MAMDC2: variants seen among roughly 807,000 people sequenced by gnomAD.
MAMDC2 encodes MAM domain containing 2.
MAMDC2 carries 57 observed loss-of-function variants against 89.8 expected under a neutral mutation model. The observed-to-expected ratio is 0.63, with a 90% CI of 0.51 to 0.79. The LOEUF (loss-of-function observed/expected upper bound fraction) is 0.79. MAMDC2 is among the 30% of genes least tolerant of loss of function. MAMDC2 has a pLI of 0.00. For synonymous variants in MAMDC2, 313 were observed against 293.4 expected (o/e 1.07, Z -0.68); for missense variants, 800 against 820.6 (o/e 0.97, Z 0.31).
intron 11 of MAMDC2, among the ~76,000 whole-genome samples, chr9:70,198,628 C>A (rs1450314294): frequency 6.6e-6 from 1 of 152,060 alleles, no homozygotes; most frequent in Non-Finnish European, 1.5e-5. Flanking sequence ...AGAAAAGCAA[C>A]CCTGCAACAT....
At chr9:70,110,993 G>C (rs1224905020) in intron 4 of MAMDC2, among the ~76,000 whole-genome samples, 1 of 152,238 alleles carries the variant, frequency 6.6e-6, no homozygotes, top group Non-Finnish European at 1.5e-5. Flanking sequence ...ATTCCCTTAC[G>C]TTTCACTTGT....
intron 12 of MAMDC2, among the ~76,000 whole-genome samples, chr9:70,221,723 G>A (rs1587585078): frequency 6.6e-6 from 1 of 152,024 alleles, no homozygotes; most frequent in East Asian, 1.9e-4. Flanking sequence ...CACATTTTGT[G>A]TGTGTGTGTG....
chr9:70,141,933 A>G (rs2031239262), intron 8 of MAMDC2, among the ~76,000 whole-genome samples: 1 of 152,204 alleles, frequency 6.6e-6, no homozygotes, highest in Admixed American at 6.5e-5. Flanking sequence ...GACAGGGAGA[A>G]CACCTTGTTC....
intron 2 of MAMDC2, among the ~76,000 whole-genome samples, chr9:70,045,759 A>T (rs1320641796): frequency 6.6e-6 from 1 of 152,182 alleles, no homozygotes; most frequent in African/African-American, 2.4e-5. Flanking sequence ...CGTTTTACAG[A>T]GGAAGGAATC....
intron 2 of MAMDC2, among the ~76,000 whole-genome samples, chr9:70,062,133 A>G (rs540363534): frequency 5.9e-5 from 9 of 152,184 alleles, no homozygotes; most frequent in Admixed American, 3.9e-4. Flanking sequence ...AAGATTTTGA[A>G]ATTTCTATGC....
rs1012925445 is a variant in MAMDC2 at position 70,043,996 on chromosome 9, C to G, written c.-202C>G. Reference sequence around the variant, plus strand: ...CGCCGGGGCGCTGGCGCTCTCCATTCGAGCACCTTCCAGCATACCGCTCGG... The same window carrying G: ...CGCCGGGGCGCTGGCGCTCTCCATTGGAGCACCTTCCAGCATACCGCTCGG... On this transcript the variant is annotated 5_prime_UTR_variant, in exon 1 of 14. Coordinates refer to ENST00000377182, the MANE Select transcript of MAMDC2 (RefSeq NM_153267.5). The G allele has an allele frequency of 1.6e-6, 1 of 626,470 alleles. No individual in the cohort carries two copies. The highest frequency in any genetic ancestry group is 2.8e-6 in the Non-Finnish European group (1 of 357,554). 38.8% of individuals were successfully genotyped at this position (626,470 alleles called of 1,614,324 possible).
At chr9:70,129,122 G>A (rs1353252161) in intron 6 of MAMDC2, among the ~76,000 whole-genome samples, 1 of 152,182 alleles carries the variant, frequency 6.6e-6, no homozygotes, top group Non-Finnish European at 1.5e-5. Context: ...GATTGATATG[G>A]TTTGGCTGTG....
At chr9:70,139,354 G>A (rs2031119335) in intron 7 of MAMDC2, among the ~76,000 whole-genome samples, 1 of 138,632 alleles carries the variant, frequency 7.2e-6, no homozygotes, top group Non-Finnish European at 1.5e-5. Flanking sequence ...TCCCACCTAT[G>A]AGTGAGAACA....
At chr9:70,144,263 A>C (rs1030931846) in intron 9 of MAMDC2, among the ~76,000 whole-genome samples, 3 of 152,200 alleles carry the variant, frequency 2.0e-5, no homozygotes, top group East Asian at 3.9e-4. Flanking sequence ...TTTAAGGTTA[A>C]CAACCTAAGG....
At chr9:70,217,143 A>G (rs2033462701) in intron 11 of MAMDC2, 1 of 577,936 alleles carries the variant, frequency 1.7e-6, no homozygotes, top group Non-Finnish European at 3.1e-6. Flanking sequence ...ATTTAAAAAT[A>G]TTACAGAATA....
At chr9:70,112,906 C>T in intron 4 of MAMDC2, 89 bp from the exon 5 acceptor site, 2 of 1,523,566 alleles carry the variant, frequency 1.3e-6, no homozygotes, top group Non-Finnish European at 1.8e-6. Flanking sequence ...AGAGAAACTT[C>T]TGAATATCTA....
At chr9:70,066,905 A>C (rs1279529999) in intron 2 of MAMDC2, among the ~76,000 whole-genome samples, 1 of 152,252 alleles carries the variant, frequency 6.6e-6, no homozygotes, top group East Asian at 1.9e-4. Context: ...TAATGAATTA[A>C]GTTCATCAAT....
intron 2 of MAMDC2, among the ~76,000 whole-genome samples, chr9:70,045,743 T>C (rs1826734156): frequency 6.6e-6 from 1 of 152,186 alleles, no homozygotes; most frequent in Non-Finnish European, 1.5e-5. Flanking sequence ...TAGGTGATGT[T>C]GGACCCGTTT....
At chr9:70,070,419 C>A (rs1827375811) in intron 2 of MAMDC2, among the ~76,000 whole-genome samples, 1 of 152,080 alleles carries the variant, frequency 6.6e-6, no homozygotes, top group Non-Finnish European at 1.5e-5. Flanking sequence ...TTAATCTGAG[C>A]CTATTGTTTT....
intron 2 of MAMDC2, chr9:70,093,789 G>A (rs1385895111): frequency 6.6e-6 from 1 of 152,152 alleles, no homozygotes; most frequent in African/African-American, 2.4e-5. Flanking sequence ...GACAAATGAT[G>A]TAGTGGAAAA....
In MAMDC2 at chr9:70,072,468, C is replaced by G. The variant is rs1287074936; in HGVS notation, c.148+27771C>G. On this transcript the variant is annotated intron_variant, in intron 2 of 13. Transcript: ENST00000377182. ...TGCTCTTAATTTTAGAATGGTGATA[C>G]TGTATCTAATAGAATAATAGTAGTA... is the stretch of plus-strand genomic sequence containing the variant. Among the ~76,000 whole-genome samples, 2 of 152,174 alleles carry G rather than the reference C, an allele frequency of 1.3e-5. 1 individual carries two copies. Among genetic ancestry groups the G allele is most frequent in the African/African-American group, 4.8e-5 (2 of 41,432 alleles).
chr9:70,118,172 A>G (rs999478151), intron 5 of MAMDC2, among the ~76,000 whole-genome samples: 1 of 152,000 alleles, frequency 6.6e-6, no homozygotes, highest in Admixed American at 6.6e-5. Context: ...TCCAGGCTAC[A>G]TTCCTACTTA....
intron 11 of MAMDC2, among the ~76,000 whole-genome samples, chr9:70,216,902 A>G (rs1184010423): frequency 6.6e-6 from 1 of 152,194 alleles, no homozygotes; most frequent in East Asian, 1.9e-4. Context: ...ACTTGTATAC[A>G]TGTCCAATTT....
At chr9:70,094,312 T>A (rs1827974018) in intron 2 of MAMDC2, among the ~76,000 whole-genome samples, 1 of 152,228 alleles carries the variant, frequency 6.6e-6, no homozygotes, top group South Asian at 2.1e-4. Flanking sequence ...TCCTTGAAAT[T>A]TGAGGCTGAT....
Sources: allele counts gnomAD v4.1 joint callset (sites outside exome capture counted in the v4.1 genomes callset), GRCh38; gene constraint gnomAD v4.1.1; transcripts MANE v1.5; gene names NCBI Gene and HGNC (gene_info 2026-07-23, HGNC 2026-07-21).